Variants in PCDHGA2 observed in about 807,000 individuals in gnomAD.
PCDHGA2 encodes the protein protocadherin gamma-A2.
PCDHGA2 carries 40 observed loss-of-function variants against 59.2 expected under a neutral mutation model. The ratio of observed to expected loss-of-function variants is 0.68; its 90% CI spans 0.52 to 0.88. PCDHGA2 has a LOEUF of 0.88. Among genes scored for constraint, PCDHGA2 ranks in the 40% least tolerant of loss-of-function variants. PCDHGA2 has a pLI of 0.00. For missense variants in PCDHGA2, 1,226 were observed against 1,204.0 expected, an observed-to-expected ratio of 1.02 and a Z score of -0.27; for synonymous variants, 560 against 526.0, an observed-to-expected ratio of 1.06 and a Z score of -0.89.
chr5:141,440,618 C>G (rs1287745652), intron 1 of PCDHGA2: 3 of 152,196 alleles, frequency 2.0e-5, no homozygotes, highest in South Asian at 2.1e-4. Context: ...GCAGAAGATC[C>G]TGATGTTGAG....
At chr5:141,366,907 A>G (rs2149901228) in intron 1 of PCDHGA2, 2 of 1,144,648 alleles carry the variant, frequency 1.7e-6, no homozygotes, top group South Asian at 3.3e-5. Context: ...TGCTTTCTCC[A>G]TTTGTTTTCA....
At chr5:141,472,998 GAAAGAA>G (rs1489589280) in intron 1 of PCDHGA2, among the ~76,000 whole-genome samples, 8 of 134,744 alleles carry the variant, frequency 5.9e-5, no homozygotes, top group South Asian at 2.3e-4. Flanking sequence ...AAAAAAAAAA[GAAAGAA>G]AAAGAAAAAG....
At chr5:141,404,807 G>A (rs1226563047) in intron 1 of PCDHGA2, 1 of 1,613,924 alleles carries the variant, frequency 6.2e-7, no homozygotes, top group Non-Finnish European at 8.5e-7. Flanking sequence ...GCTCTTCTCG[G>A]TGGGGCTGCA....
In PCDHGA2 at chr5:141,489,153, G is replaced by A; in HGVS notation, c.2425-5654G>A. The A allele has an allele frequency of 1.1e-6, 1 of 935,832 alleles. No homozygotes were observed. The highest frequency in any genetic ancestry group is 1.6e-6 in the Non-Finnish European group (1 of 627,178). 58.0% of individuals were successfully genotyped at this position (935,832 alleles called of 1,614,324 possible). A position where few individuals can be genotyped will look rare whatever the true frequency, so the allele number is the denominator to read the frequency against. ...TTTAAGAGGCTGGAAGGAGACATAA[G>A]AGACTTCAGCTGCTGCATTCCAAGC... On this transcript the variant is annotated intron_variant, in intron 1 of 3. Coordinates refer to ENST00000394576, the MANE Select transcript of PCDHGA2 (RefSeq NM_018915.4). This position sits in a 1 kb window ranked among gnomAD's most constrained non-coding sequence, Gnocchi z 4.5.
chr5:141,365,002 C>T (rs779500238), intron 1 of PCDHGA2: 3 of 1,613,918 alleles, frequency 1.9e-6, no homozygotes, highest in Non-Finnish European at 2.5e-6. Flanking sequence ...TACTCTCCGG[C>T]ACCACGCACA....
At chr5:141,478,712 G>T in intron 1 of PCDHGA2, 1 of 1,547,046 alleles carries the variant, frequency 6.5e-7, no homozygotes, top group Non-Finnish European at 8.7e-7. Flanking sequence ...TTTGTGAGAT[G>T]GTGGCCTGCC....
chr5:141,370,878 G>A (rs906619365), intron 1 of PCDHGA2: 1 of 1,613,918 alleles, frequency 6.2e-7, no homozygotes, highest in African/African-American at 1.3e-5. Flanking sequence ...AGATCCTGAT[G>A]TAGGTGTCAA....
chr5:141,371,918 C>T, intron 1 of PCDHGA2: 1 of 1,613,372 alleles, frequency 6.2e-7, no homozygotes, highest in African/African-American at 1.3e-5. Flanking sequence ...TGTCCGTGAG[C>T]GCGCGGAGCG....
At chr5:141,370,379 A>AGGCGCAGAGAGCGGGAAG in intron 1 of PCDHGA2, 1 of 1,529,484 alleles carries the variant, frequency 6.5e-7, no homozygotes, top group Non-Finnish European at 8.8e-7. Context: ...AGAAAGGCAA[A>AGGCGCAGAGAGCGGGAAG]GGCGCAGAGA....
intron 1 of PCDHGA2, among the ~76,000 whole-genome samples, chr5:141,433,974 C>A (rs1045247496): frequency 6.6e-6 from 1 of 152,026 alleles, no homozygotes; most frequent in Non-Finnish European, 1.5e-5. Context: ...GGCTTTCTAC[C>A]TTGAAGAAGA....
Position 141,431,687 on chromosome 5 carries a change from G to A in PCDHGA2, c.2425-63120G>A. On this transcript the variant is annotated intron_variant, in intron 1 of 3. Transcript: ENST00000394576. This position sits in a 1 kb window ranked among gnomAD's most constrained non-coding sequence, Gnocchi z 4.8. ...ATCAACAATAGGGGAGTTGGACCAC[G>A]AGGAGTCAGGATTCTACCAGATGGA... The A allele has an allele frequency of 1.9e-6, 3 of 1,614,214 alleles. No homozygotes were observed. Among genetic ancestry groups the A allele is most frequent in the Middle Eastern group, 1.6e-4 (1 of 6,062 alleles).
chr5:141,368,145 T>C (rs1461482681), intron 1 of PCDHGA2, among the ~76,000 whole-genome samples: 1 of 152,222 alleles, frequency 6.6e-6, no homozygotes, highest in African/African-American at 2.4e-5. Context: ...AATTTTGTAC[T>C]TTTAAAACCT....
chr5:141,434,768 T>C (rs6580188), intron 1 of PCDHGA2, among the ~76,000 whole-genome samples: 81,499 of 151,296 alleles, frequency 0.54, 23,977 homozygotes, highest in African/African-American at 0.79. Context: ...CACTTCACAC[T>C]TCTAAAAAAA....
chr5:141,438,074 T>C (rs963146682), intron 1 of PCDHGA2, among the ~76,000 whole-genome samples: 10 of 152,116 alleles, frequency 6.6e-5, no homozygotes, highest in African/African-American at 2.4e-4. Flanking sequence ...CCATACTTAA[T>C]GGAAAATTAC....
In PCDHGA2 at chr5:141,364,854, A is replaced by G. The variant is rs142073719; in HGVS notation, c.2424+23459A>G. The G allele has an allele frequency of 1.4e-3, 2,225 of 1,614,018 alleles. 3 individuals carry two copies. Among genetic ancestry groups the G allele is most frequent in the Non-Finnish European group, 1.7e-3 (2,042 of 1,179,888 alleles). ...CTCCGGAGTTACCAGCTCAGCTCCA[A>G]TCTGCACTTCTCTCTGGATGTGGTA... On this transcript the variant is annotated intron_variant, in intron 1 of 3. Transcript: ENST00000394576.
At chr5:141,351,426 A>G in intron 1 of PCDHGA2, 1 of 1,611,328 alleles carries the variant, frequency 6.2e-7, no homozygotes, top group Non-Finnish European at 8.5e-7. Flanking sequence ...GTTCCTTTCA[A>G]ATTAGAATCC....
chr5:141,394,807 C>G (rs943252788), intron 1 of PCDHGA2: 3 of 1,613,886 alleles, frequency 1.9e-6, no homozygotes, highest in African/African-American at 2.7e-5. Context: ...GTAGCCGTGG[C>G]TGACAGCATC....
In PCDHGA2 at chr5:141,489,950, A is replaced by C. The variant is rs1055715796; in HGVS notation, c.2425-4857A>C. 1 of 1,614,192 alleles carries C rather than the reference A, an allele frequency of 6.2e-7. No homozygotes were observed. The highest frequency in any genetic ancestry group is 1.3e-5 in the African/African-American group (1 of 75,060). ...TCTGTCATCGTGCTGGACATCAATG[A>C]TAATGCTCCAACCTTCCAATCCTCA... is the stretch of plus-strand genomic sequence containing the variant. On this transcript the variant is annotated intron_variant, in intron 1 of 3. Coordinates refer to ENST00000394576, the MANE Select transcript of PCDHGA2 (RefSeq NM_018915.4). The surrounding 1 kb of genome is among the most constrained non-coding windows in gnomAD (Gnocchi z 4.5).
intron 1 of PCDHGA2, chr5:141,402,901 T>C: frequency 1.3e-6 from 2 of 1,520,230 alleles, no homozygotes; most frequent in Non-Finnish European, 1.8e-6. Flanking sequence ...AAGAACCTGA[T>C]GAAGCAGCGC....
Sources: gnomAD v4.1 joint callset for allele counts (sites outside exome capture counted in the v4.1 genomes callset) on GRCh38, gnomAD v4.1.1 for gene constraint, Gnocchi (gnomAD v3.1) non-coding constraint, MANE v1.5 for transcripts, NCBI Gene and HGNC (gene_info 2026-07-23, HGNC 2026-07-21) for gene names.